Variants in UNC80 observed in about 807,000 individuals in gnomAD.
UNC80 encodes the protein protein unc-80 homolog.
Under a neutral mutation model 384.6 loss-of-function variants are expected in UNC80, and 164 were observed. The ratio of observed to expected loss-of-function variants is 0.43; its 90% CI spans 0.38 to 0.49. The LOEUF (loss-of-function observed/expected upper bound fraction) is 0.49, where lower values mean the gene tolerates loss of function less well. Ranked by LOEUF, UNC80 falls within the 20% of genes least tolerant of loss-of-function variation. The pLI is 0.00. For synonymous variants in UNC80, 1,486 were observed against 1,527.8 expected (o/e 0.97, Z 0.64); for missense variants, 3,330 against 4,143.0 (o/e 0.80, Z 5.39).
chr2:209,922,343 C>G lies in UNC80; in HGVS notation c.5622C>G (p.Arg1874=). The change falls in exon 35 of 65, where the codon CGC becomes CGG. Residue 1874 remains arginine, a synonymous_variant. Coordinates refer to ENST00000673920, the MANE Select transcript of UNC80 (RefSeq NM_001371986.1). The stretch of plus-strand genomic sequence containing the variant: ...CCCACAGGAATTATTCCTTCCGCCG[C>G]GGGTCAGTCTGGTCAGTGCGTTCAG... ...STSHRNYSFR[R]GSVWSVRSAV... 6.4e-7 allele frequency: 1 copy of G among 1,551,840 alleles called. No individual in the cohort carries two copies. The highest frequency in any genetic ancestry group is 8.7e-7 in the Non-Finnish European group (1 of 1,146,988).
At chr2:209,884,917 A>C (rs2085638495) in intron 25 of UNC80, among the ~76,000 whole-genome samples, 2 of 152,048 alleles carry the variant, frequency 1.3e-5, no homozygotes, top group African/African-American at 4.8e-5. Flanking sequence ...GGGGGTTGGG[A>C]GAGCATCGGG....
chr2:209,917,862 G>C lies in UNC80; in HGVS notation c.5115G>C (p.Val1705=). The part of the protein sequence containing the change: ...LMSEFHHPET[V]QRLNAVLKFH... ...CAGAGTTCCACCACCCGGAGACTGTGCAGAGGCTGAACGCTGTCCTCAAGT... is the reference window on the plus strand; with the variant it reads ...CAGAGTTCCACCACCCGGAGACTGTCCAGAGGCTGAACGCTGTCCTCAAGT... The change falls in exon 32 of 65, where the codon GTG becomes GTC. Residue 1705 remains valine, a synonymous_variant. Coordinates refer to ENST00000673920, the MANE Select transcript of UNC80 (RefSeq NM_001371986.1). The C allele has an allele frequency of 6.4e-7, 1 of 1,552,024 alleles. No homozygotes were observed.
At chr2:209,855,516 A>T (rs2082843158) in intron 22 of UNC80, among the ~76,000 whole-genome samples, 1 of 152,176 alleles carries the variant, frequency 6.6e-6, no homozygotes, top group Non-Finnish European at 1.5e-5. Flanking sequence ...AGTACATAGA[A>T]TTTAAAGAAA....
chr2:209,820,721 C>G, intron 13 of UNC80, 42 bp downstream of exon 13: 2 of 1,468,740 alleles, frequency 1.4e-6, no homozygotes, highest in Non-Finnish European at 1.8e-6. Flanking sequence ...AAATGTCATA[C>G]CTAATTTCTT....
chr2:209,825,969 G>A lies in UNC80; in HGVS notation c.2394G>A (p.Lys798=), dbSNP rs61730238. ...TAACAATGCTCATCAAAATAGTGAA[G>A]TCTTTGGGATGTGCCTATGGTTGTG... ...LALTMLIKIV[K]SLGCAYGCGE... The change falls in exon 14 of 65, where the codon AAG becomes AAA. Residue 798 remains lysine (K), a synonymous_variant. Coordinates refer to ENST00000673920, the MANE Select transcript of UNC80 (RefSeq NM_001371986.1). The A allele has an allele frequency of 6.6e-4, 1,019 of 1,551,048 alleles. 2 individuals carry two copies. Among genetic ancestry groups the A allele is most frequent in the Middle Eastern group, 4.3e-3 (26 of 5,984 alleles).
At chr2:209,893,414 A>G (rs1193362369) in intron 26 of UNC80, among the ~76,000 whole-genome samples, 5 of 152,176 alleles carry the variant, frequency 3.3e-5, no homozygotes, top group East Asian at 3.8e-4. Context: ...GTTTAAATGC[A>G]TTTCTTTTAC....
chr2:209,959,733 A>C lies in UNC80; in HGVS notation c.7805+26A>C, dbSNP rs574322530. On this transcript the variant is annotated intron_variant, in intron 51 of 64. Coordinates refer to ENST00000673920, the MANE Select transcript of UNC80 (RefSeq NM_001371986.1). ...GTACTGGCCTCGCTTTCCCTGCCCC[A>C]AGTGTGAACACAGCTTGGCCCATGT... 16 of 1,545,616 alleles carry C rather than the reference A, an allele frequency of 1.0e-5. 1 individual carries two copies. In the Admixed American group the frequency reaches 2.9e-4, roughly 28 times the overall value.
At position 209,930,957 on chromosome 2, in the gene UNC80, T is replaced by A. The variant is rs776548843; in HGVS notation, c.5908-11T>A. On this transcript the variant is annotated splice_polypyrimidine_tract_variant and intron_variant, in intron 37 of 64. Coordinates refer to ENST00000673920, the MANE Select transcript of UNC80 (RefSeq NM_001371986.1). The stretch of plus-strand genomic sequence containing the variant: ...CTGAAGGAAACATTAAAAATTCTGT[T>A]CTTCTTTCAGGATGAGTTAATGTAC... 6.5e-7 allele frequency: 1 copy of A among 1,530,348 alleles called. No individual in the cohort carries two copies. Among genetic ancestry groups the A allele is most frequent in the Non-Finnish European group, 8.8e-7 (1 of 1,133,634 alleles). 94.8% of individuals were successfully genotyped at this position (1,530,348 alleles called of 1,614,324 possible). A position where few individuals can be genotyped will look rare whatever the true frequency, so the allele number is the denominator to read the frequency against.
intron 61 of UNC80, among the ~76,000 whole-genome samples, chr2:209,989,159 C>CAAA (rs11288927): frequency 2.1e-5 from 3 of 140,732 alleles, no homozygotes; most frequent in Non-Finnish European, 3.1e-5. Context: ...CAAAAAATAC[C>CAAA]AAAAAAAAAA....
chr2:209,985,033 C>T (rs1361795903), intron 61 of UNC80, 121 bp downstream of exon 61: 1 of 832,794 alleles, frequency 1.2e-6, no homozygotes, highest in Non-Finnish European at 1.8e-6. Context: ...TATTTCCATT[C>T]CTTGCCCTTT....
chr2:209,883,007 T>C (rs1178549673), intron 25 of UNC80, among the ~76,000 whole-genome samples: 3 of 152,222 alleles, frequency 2.0e-5, no homozygotes, highest in Non-Finnish European at 2.9e-5. Context: ...TAATTGGGCC[T>C]CTGAAATCTT....
At chr2:209,818,846 A>T in intron 11 of UNC80, 147 bp from the exon 12 acceptor site, 1 of 882,150 alleles carries the variant, frequency 1.1e-6, no homozygotes, top group Non-Finnish European at 1.7e-6. Context: ...GTCCCATGAG[A>T]GCTGAGACTA....
At chr2:209,832,718 T>C (rs2153828707) in intron 16 of UNC80, among the ~76,000 whole-genome samples, 1 of 152,222 alleles carries the variant, frequency 6.6e-6, no homozygotes, top group Middle Eastern at 3.4e-3. Context: ...ATTTAACAGG[T>C]TGGTTATAAT....
At chr2:209,799,197 C>G (rs984655737) in intron 7 of UNC80, among the ~76,000 whole-genome samples, 1 of 151,536 alleles carries the variant, frequency 6.6e-6, no homozygotes, top group South Asian at 2.1e-4. Flanking sequence ...TTGATTCTTC[C>G]TATTCAGGAA....
At chr2:209,918,847 CAA>C (rs887782186) in intron 33 of UNC80, among the ~76,000 whole-genome samples, 184 bp downstream of exon 33, 1 of 150,556 alleles carries the variant, frequency 6.6e-6, no homozygotes, top group Admixed American at 6.6e-5. Context: ...TTGCAGATCT[CAA>C]AAAAAAAGTC....
intron 41 of UNC80, among the ~76,000 whole-genome samples, 156 bp downstream of exon 41, chr2:209,937,089 G>A (rs749548389): frequency 6.6e-6 from 1 of 152,126 alleles, no homozygotes; most frequent in African/African-American, 2.4e-5. Flanking sequence ...CTTTTGACTG[G>A]CGACTTCACC....
intron 59 of UNC80, among the ~76,000 whole-genome samples, chr2:209,980,971 T>TC (rs200127263): frequency 0.018 from 2,802 of 152,314 alleles, 100 homozygotes; most frequent in African/African-American, 0.064. Flanking sequence ...TGTGGACATA[T>TC]CTAAAAAGAA....
intron 22 of UNC80, among the ~76,000 whole-genome samples, chr2:209,864,689 C>T (rs911215139): frequency 1.3e-5 from 2 of 152,206 alleles, no homozygotes; most frequent in East Asian, 3.9e-4. Context: ...TGTCTTGGGA[C>T]CAAGCTGTGC....
chr2:209,990,055 G>A (rs1424943991), intron 61 of UNC80, among the ~76,000 whole-genome samples: 1 of 152,034 alleles, frequency 6.6e-6, no homozygotes, highest in African/African-American at 2.4e-5. Context: ...AAATACTAAA[G>A]CTATAAACTT....
Sources: allele counts gnomAD v4.1 joint callset (sites outside exome capture counted in the v4.1 genomes callset), GRCh38; gene constraint gnomAD v4.1.1; transcripts MANE v1.5; gene names NCBI Gene and HGNC (gene_info 2026-07-23, HGNC 2026-07-21).